The following MARK2 variants were observed in gnomAD, a reference collection of about 807,000 sequenced individuals.
The protein encoded by MARK2 is serine/threonine-protein kinase MARK2.
A neutral mutation model predicts 89.8 loss-of-function variants in MARK2; 16 were observed. The ratio of observed to expected loss-of-function variants is 0.18; its 90% CI spans 0.12 to 0.27. The LOEUF is 0.27. MARK2 is among the 10% of genes least tolerant of loss of function. MARK2 has a pLI of 1.00. For missense variants in MARK2, 621 were observed against 1,049.9 expected (o/e 0.59, Z 5.65); for synonymous variants, 382 against 399.5 (o/e 0.96, Z 0.52).
chr11:63,864,083 A>G (rs1037047922), intron 1 of MARK2, among the ~76,000 whole-genome samples: 1 of 151,098 alleles, frequency 6.6e-6, no homozygotes, highest in Non-Finnish European at 1.5e-5. Context: ...CCTCCCAAGT[A>G]GCTGGGACTA....
intron 7 of MARK2, 85 bp from the exon 8 acceptor site, chr11:63,899,789 T>C: frequency 2.4e-6 from 2 of 848,852 alleles, no homozygotes; most frequent in Non-Finnish European, 4.0e-6. Context: ...TTTCCGTTTG[T>C]TCTCCCATTC....
At position 63,900,789 on chromosome 11, in the gene MARK2, A is replaced by G; in HGVS notation, c.898A>G (p.Lys300Glu). The change falls in exon 10 of 19, where the codon AAA becomes GAA. Residue 300 changes from lysine to glutamate, a missense_variant. Transcript: ENST00000402010. The surrounding 1 kb of genome is among the most constrained non-coding windows in gnomAD (Gnocchi z 4.7). The stretch of plus-strand genomic sequence containing the variant: ...TCTCTGTGCTCCCCAGCAAATCATG[A>G]AAGATCGATGGATGAATGTGGGTCA... Reference protein sequence around the residue: ...SKRGTLEQIMKDRWMNVGHED... With the variant: ...SKRGTLEQIMEDRWMNVGHED... The G allele has an allele frequency of 6.2e-7, 1 of 1,614,142 alleles. No homozygotes were observed. The highest frequency in any genetic ancestry group is 8.5e-7 in the Non-Finnish European group (1 of 1,180,020).
chr11:63,845,416 A>G (rs1254665481), intron 1 of MARK2, among the ~76,000 whole-genome samples: 1 of 152,188 alleles, frequency 6.6e-6, no homozygotes, highest in Non-Finnish European at 1.5e-5. Context: ...ATAGGTGGCT[A>G]AATTTCCTTC....
intron 1 of MARK2, among the ~76,000 whole-genome samples, chr11:63,856,621 G>A (rs561607190): frequency 4.0e-5 from 6 of 151,216 alleles, no homozygotes; most frequent in African/African-American, 7.3e-5. Flanking sequence ...ACAGTGTTTC[G>A]CCATGTTGGC....
chr11:63,840,475 A>T (rs1201702009), intron 1 of MARK2, among the ~76,000 whole-genome samples: 1 of 152,128 alleles, frequency 6.6e-6, no homozygotes, highest in African/African-American at 2.4e-5. Flanking sequence ...CCGTATTAAC[A>T]CAACCTGTTG....
intron 3 of MARK2, among the ~76,000 whole-genome samples, chr11:63,895,937 T>G (rs948192204): frequency 6.6e-6 from 1 of 152,138 alleles, no homozygotes; most frequent in Non-Finnish European, 1.5e-5. Flanking sequence ...CCCAAAGTGC[T>G]AGGATTATAG....
chr11:63,855,411 C>T (rs1297053723), intron 1 of MARK2, among the ~76,000 whole-genome samples: 1 of 145,734 alleles, frequency 6.9e-6, no homozygotes, highest in African/African-American at 2.5e-5. Flanking sequence ...GCAGTCCTAA[C>T]CACTCAGGAG....
intron 1 of MARK2, among the ~76,000 whole-genome samples, chr11:63,889,575 C>CT (rs1939666686): frequency 6.6e-6 from 1 of 152,240 alleles, no homozygotes; most frequent in South Asian, 2.1e-4. Flanking sequence ...CACACCTAGG[C>CT]CGAGTCTGAG....
rs186650172 is a variant in MARK2, at chr11:63,845,974, T to A, written c.54+6414T>A. Reference sequence around the variant, plus strand: ...CTGGACTCAAGTGATCCGCCTGCCGTGGCCTCTCAAAGTACTGGGATTACA... The same window carrying A: ...CTGGACTCAAGTGATCCGCCTGCCGAGGCCTCTCAAAGTACTGGGATTACA... On this transcript the variant is annotated intron_variant, in intron 1 of 18. Transcript: ENST00000402010. Among the ~76,000 whole-genome samples the A allele has an allele frequency of 1.3e-3, 194 of 151,524 alleles. 1 individual carries two copies. The Middle Eastern group carries it at 0.024, about 19-fold the overall frequency.
chr11:63,869,016 A>T (rs560841128), intron 1 of MARK2: 14 of 371,644 alleles, frequency 3.8e-5, no homozygotes, highest in African/African-American at 6.3e-5. Context: ...GGCCACTGTG[A>T]GTGAGGGAAG....
chr11:63,839,710 A>C (rs2015907554), intron 1 of MARK2, 150 bp downstream of exon 1: 4 of 630,842 alleles, frequency 6.3e-6, no homozygotes, highest in Admixed American at 3.0e-5. Flanking sequence ...GGCTCCGCAC[A>C]TCCCGCTTCC....
At position 63,867,924 on chromosome 11, in the gene MARK2, G is replaced by A. The variant is rs114289025; in HGVS notation, c.55-27235G>A. On this transcript the variant is annotated intron_variant, in intron 1 of 18. Coordinates refer to ENST00000402010, the MANE Select transcript of MARK2 (RefSeq NM_001039469.3). ...CCATAACTTCAGTTCGTGGATTTGG[G>A]TCCCACACTGGATTGTGTGATTTGT... is the stretch of plus-strand genomic sequence containing the variant. Among the ~76,000 whole-genome samples, 432 of 152,260 alleles carry A rather than the reference G, an allele frequency of 2.8e-3. 2 individuals carry two copies. Among genetic ancestry groups the A allele is most frequent in the African/African-American group, 0.01 (424 of 41,540 alleles).
At chr11:63,881,510 G>C (rs188779932) in intron 1 of MARK2, among the ~76,000 whole-genome samples, 2 of 152,278 alleles carry the variant, frequency 1.3e-5, no homozygotes, top group Admixed American at 1.3e-4. Context: ...TCAAAAAGTT[G>C]TGCCTCTCTT....
intron 1 of MARK2, among the ~76,000 whole-genome samples, chr11:63,861,915 T>C (rs545598560): frequency 1.5e-5 from 2 of 135,130 alleles, no homozygotes; most frequent in South Asian, 3.0e-4. Flanking sequence ...CTAATTTCTT[T>C]CTTTCTTTCT....
intron 1 of MARK2, among the ~76,000 whole-genome samples, chr11:63,846,275 G>A (rs540398360): frequency 3.9e-5 from 6 of 151,944 alleles, no homozygotes; most frequent in Middle Eastern, 3.4e-3. Context: ...CCAGCACTTC[G>A]GGAGGCCACG....
Position 63,909,626 on chromosome 11 carries a change from A to G in MARK2, c.*389A>G, listed in dbSNP as rs2134238529. ...AGCGGCCACCTTTCCTCCCTGCCCC[A>G]TTGGGACAGTCGAGACTGGATCTGT... is the stretch of plus-strand genomic sequence containing the variant. On this transcript the variant is annotated 3_prime_UTR_variant, in exon 19 of 19. Coordinates refer to ENST00000402010, the MANE Select transcript of MARK2 (RefSeq NM_001039469.3). 1 of 159,026 alleles carries G rather than the reference A, an allele frequency of 6.3e-6. No individual in the cohort carries two copies. Among genetic ancestry groups the G allele is most frequent in the Middle Eastern group, 3.3e-3 (1 of 304 alleles). The allele number at this position is 159,026 out of a possible 1,614,324, so 9.9% of individuals were successfully genotyped here.
rs187243461 is a variant in MARK2 at position 63,897,139 on chromosome 11, T to C, written c.289-1093T>C. ...TAGACAAGCCCAGAAAACCCCAAGT[T>C]CTCCCAGAAGAATGTCACTTCCATG... is the stretch of plus-strand genomic sequence containing the variant. On this transcript the variant is annotated intron_variant, in intron 3 of 18. Transcript: ENST00000402010. 5.5e-4 allele frequency among the ~76,000 whole-genome samples: 84 copies of C among 152,230 alleles called. No homozygotes were observed. The Middle Eastern group carries it at 0.02, about 37-fold the overall frequency.
intron 1 of MARK2, among the ~76,000 whole-genome samples, chr11:63,887,572 G>A (rs1939476940): frequency 6.6e-6 from 1 of 152,218 alleles, no homozygotes; most frequent in Non-Finnish European, 1.5e-5. Flanking sequence ...AGGAAGCTTT[G>A]CCCTTCCCTA....
Position 63,839,525 on chromosome 11 carries a change from CCCCTA to C in MARK2, c.23_27del (p.Leu8HisfsTer16). On this transcript the variant is annotated frameshift_variant, in exon 1 of 19. Transcript: ENST00000402010. LOFTEE classifies it high-confidence loss of function. ...CGGCGCCATGTCCAGCGCTCGGACC[CCCCTA>C]CCCACGCTGAACGAGAGGGACACGG... 6.5e-7 allele frequency: 1 copy of C among 1,540,000 alleles called. No homozygotes were observed. The highest frequency in any genetic ancestry group is 8.8e-7 in the Non-Finnish European group (1 of 1,141,838).
Sources: gnomAD v4.1 joint callset for allele counts (sites outside exome capture counted in the v4.1 genomes callset) on GRCh38, gnomAD v4.1.1 for gene constraint, Gnocchi (gnomAD v3.1) non-coding constraint, MANE v1.5 for transcripts, NCBI Gene and HGNC (gene_info 2026-07-23, HGNC 2026-07-21) for gene names.